The following GLIS3 variants were observed in gnomAD, a reference collection of about 807,000 sequenced individuals.
GLIS3 encodes zinc finger protein GLIS3.
In GLIS3, 53 loss-of-function variants were observed where a neutral mutation model predicts 78.6. That is an observed-to-expected ratio of 0.67 (90% CI 0.54 to 0.85). The LOEUF (loss-of-function observed/expected upper bound fraction) is 0.85, where lower values mean the gene tolerates loss of function less well. Ranked by LOEUF, GLIS3 falls within the 40% of genes least tolerant of loss-of-function variation. The pLI is 0.00. For missense variants in GLIS3, 1,703 were observed against 1,231.1 expected (o/e 1.38, Z -5.74); for synonymous variants, 684 against 509.9 (o/e 1.34, Z -4.60).
chr9:4,051,543 A>T (rs1825749258), intron 4 of GLIS3, among the ~76,000 whole-genome samples: 3 of 152,210 alleles, frequency 2.0e-5, no homozygotes, highest in African/African-American at 4.8e-5. Flanking sequence ...AAAAACAAAA[A>T]GCCCAAAGAG....
intron 2 of GLIS3, among the ~76,000 whole-genome samples, chr9:4,342,842 T>C (rs1035469468): frequency 6.6e-6 from 1 of 152,188 alleles, no homozygotes; most frequent in Non-Finnish European, 1.5e-5. Context: ...GGTATTTTAT[T>C]TTGTGTGTGT....
chr9:4,077,673 G>A lies in GLIS3; in HGVS notation c.1710+40095C>T, dbSNP rs555193763. The stretch of plus-strand genomic sequence containing the variant: ...CTCCTTTGCCAGGGTAGTCCCTGTC[G>A]GCCTCTACCAACAGGGGGCGCGGGG... On this transcript the variant is annotated intron_variant, in intron 4 of 10. Transcript: ENST00000381971. Among the ~76,000 whole-genome samples the A allele has an allele frequency of 1.6e-4, 24 of 152,164 alleles. No individual in the cohort carries two copies. In the South Asian group the frequency reaches 2.5e-3, roughly 16 times the overall value.
At chr9:4,048,893 T>A (rs1356939170) in intron 4 of GLIS3, among the ~76,000 whole-genome samples, 1 of 152,142 alleles carries the variant, frequency 6.6e-6, no homozygotes, top group Non-Finnish European at 1.5e-5. Context: ...AACAACCATC[T>A]CTGGAATGCC....
At chr9:4,332,532 G>A (rs184837776) in intron 2 of GLIS3, among the ~76,000 whole-genome samples, 1 of 152,338 alleles carries the variant, frequency 6.6e-6, no homozygotes, top group Admixed American at 6.5e-5. Context: ...AACAGTGACA[G>A]CTGTAGTAGC....
At chr9:4,116,225 C>A (rs539700067) in intron 4 of GLIS3, among the ~76,000 whole-genome samples, 2 of 152,328 alleles carry the variant, frequency 1.3e-5, no homozygotes, top group Admixed American at 1.3e-4. Context: ...TTAGTCAGAA[C>A]TAAAAGGTTG....
At chr9:4,145,192 G>C (rs748564636) in intron 2 of GLIS3, 14 of 152,226 alleles carry the variant, frequency 9.2e-5, no homozygotes, top group Non-Finnish European at 1.5e-4. Context: ...GATGAGGTCA[G>C]TGGGCAAGTC....
chr9:4,343,031 G>A lies in GLIS3; in HGVS notation n.264+4050C>T, dbSNP rs150178601. On this transcript the variant is annotated intron_variant and non_coding_transcript_variant, in intron 2 of 4. Transcript: ENST00000471664. ...ATGTTTAACATTGATAATCATTAGA[G>A]AAAAGCAAATCAAAACCACAGTGAG... is the stretch of plus-strand genomic sequence containing the variant. Among the ~76,000 whole-genome samples, 220 of 152,250 alleles carry A rather than the reference G, an allele frequency of 1.4e-3. 4 individuals are homozygous for A. In the South Asian group the frequency reaches 0.025, roughly 18 times the overall value.
chr9:3,841,002 G>A (rs528662011), intron 9 of GLIS3, among the ~76,000 whole-genome samples: 2 of 152,234 alleles, frequency 1.3e-5, no homozygotes, highest in Admixed American at 6.5e-5. Flanking sequence ...ATCTGCAAAA[G>A]GTTCAAACAA....
chr9:4,069,381 A>T (rs749466020), intron 4 of GLIS3, among the ~76,000 whole-genome samples: 5 of 152,216 alleles, frequency 3.3e-5, no homozygotes, highest in Non-Finnish European at 5.9e-5. Flanking sequence ...GAAATCTTCC[A>T]GTTGCTATCT....
rs918596433 is a variant in GLIS3 at position 3,855,999 on chromosome 9, T to A, written c.2473+10A>T. 1 of 1,614,032 alleles carries A rather than the reference T, an allele frequency of 6.2e-7. No individual in the cohort carries two copies. Among genetic ancestry groups the A allele is most frequent in the Non-Finnish European group, 8.5e-7 (1 of 1,179,980 alleles). ...TTCAAAACTCAAGGGACTGCCAGCT[T>A]CTTGCTTACCATGGACATGGATACC... is the stretch of plus-strand genomic sequence containing the variant. On this transcript the variant is annotated intron_variant, in intron 9 of 10. Transcript: ENST00000381971.
intron 4 of GLIS3, among the ~76,000 whole-genome samples, chr9:3,991,349 G>A (rs1308822989): frequency 6.6e-6 from 1 of 152,078 alleles, no homozygotes; most frequent in Admixed American, 6.6e-5. Flanking sequence ...AAAAAAAAGG[G>A]TTCACAGCAG....
At chr9:4,467,671 A>G in the GLIS3 span, among the ~76,000 whole-genome samples, 1 of 152,238 alleles carries the variant, frequency 6.6e-6, no homozygotes, top group Non-Finnish European at 1.5e-5. Flanking sequence ...AAAACCACAA[A>G]GATGGGGAGA....
intron 2 of GLIS3, among the ~76,000 whole-genome samples, chr9:4,148,657 G>A (rs1407117297): frequency 1.3e-5 from 2 of 152,026 alleles, no homozygotes; most frequent in Admixed American, 1.3e-4. Context: ...GCTTCCTAAT[G>A]CCTATGAACA....
In GLIS3 at chr9:3,899,076, A is replaced by AT. The variant is rs1462881459; in HGVS notation, c.1984-242dup. ...GAGGCGGATTTGACTTCAGTCCTTG[A>AT]TATTTCCACTTCTGGCAACTCAACT... is the stretch of plus-strand genomic sequence containing the variant. On this transcript the variant is annotated intron_variant, in intron 6 of 10. Coordinates refer to ENST00000381971, the MANE Select transcript of GLIS3 (RefSeq NM_001042413.2). 5.4e-6 allele frequency: 3 copies of AT among 558,472 alleles called. No homozygotes were observed. The African/African-American group carries it at 5.7e-5, about 11-fold the overall frequency. 34.6% of individuals were successfully genotyped at this position (558,472 alleles called of 1,614,324 possible).
intron 7 of GLIS3, among the ~76,000 whole-genome samples, chr9:3,892,036 G>A (rs535415441): frequency 6.6e-6 from 1 of 152,238 alleles, no homozygotes; most frequent in East Asian, 1.9e-4. Context: ...CAAGGAAAAG[G>A]TTCCAGTGAA....
the GLIS3 span, among the ~76,000 whole-genome samples, chr9:4,373,192 A>G: frequency 1.3e-5 from 2 of 152,220 alleles, no homozygotes; most frequent in African/African-American, 2.4e-5. Context: ...CTTTCCTGAT[A>G]GTACCTGGTG....
the GLIS3 span, among the ~76,000 whole-genome samples, chr9:4,418,482 G>A: frequency 6.6e-6 from 1 of 152,134 alleles, no homozygotes; most frequent in Non-Finnish European, 1.5e-5. Flanking sequence ...AAATAAAAGT[G>A]GTGTAAAAAC....
In GLIS3 at chr9:3,970,004, T is replaced by C. The variant is rs112708484; in HGVS notation, c.1711-32815A>G. Among the ~76,000 whole-genome samples, 1,314 of 152,346 alleles carry C rather than the reference T, an allele frequency of 8.6e-3. 13 individuals carry two copies. Among genetic ancestry groups the C allele is most frequent in the African/African-American group, 0.03 (1,241 of 41,568 alleles). ...TATTTTATTTAGAATTGTACAGTCA[T>C]TTCATGTTCCAAGTGAGTAACGTTC... On this transcript the variant is annotated intron_variant, in intron 4 of 10. Coordinates refer to ENST00000381971, the MANE Select transcript of GLIS3 (RefSeq NM_001042413.2).
At chr9:4,412,818 T>C in the GLIS3 span, among the ~76,000 whole-genome samples, 3 of 152,088 alleles carry the variant, frequency 2.0e-5, no homozygotes, top group Non-Finnish European at 2.9e-5. Context: ...GCCTGGCCCA[T>C]AAAAACTTAC....
Sources: gnomAD v4.1 joint callset for allele counts (sites outside exome capture counted in the v4.1 genomes callset) on GRCh38, gnomAD v4.1.1 for gene constraint, MANE v1.5 for transcripts, NCBI Gene and HGNC (gene_info 2026-07-23, HGNC 2026-07-21) for gene names.